CLCA4: variants seen among roughly 807,000 people sequenced by gnomAD.
CLCA4 encodes chloride channel accessory 4, also known as calcium-activated chloride channel regulator 4.
Under a neutral mutation model 78.9 loss-of-function variants are expected in CLCA4, and 69 were observed. That is an observed-to-expected ratio of 0.87 (90% CI 0.72 to 1.07). The LOEUF is 1.07. Ranked by LOEUF, CLCA4 falls within the 50% of genes least tolerant of loss-of-function variation. CLCA4 has a pLI of 0.00. For synonymous variants in CLCA4, 362 were observed against 375.8 expected (o/e 0.96, Z 0.42); for missense variants, 1,133 against 1,095.8 (o/e 1.03, Z -0.48).
intron 1 of CLCA4, chr1:86,553,452 G>C (rs924340184): frequency 3.9e-5 from 14 of 360,526 alleles, no homozygotes; most frequent in African/African-American, 3.0e-4. Context: ...AGCTGTCGAA[G>C]CCTTTGTCAC....
At chr1:86,552,482 T>C (rs910596925) in intron 1 of CLCA4, 5 of 461,064 alleles carry the variant, frequency 1.1e-5, no homozygotes, top group Non-Finnish European at 1.9e-5. Flanking sequence ...CTGCTGATGA[T>C]GGTCTGTTCT....
chr1:86,559,333 G>A (rs911800620), intron 1 of CLCA4, among the ~76,000 whole-genome samples: 4 of 151,930 alleles, frequency 2.6e-5, no homozygotes, highest in Non-Finnish European at 4.4e-5. Flanking sequence ...TCCCAACCTA[G>A]CTGCTTCTCC....
Position 86,566,136 on chromosome 1 carries a change from C to T in CLCA4, c.954+116C>T. 4 of 764,128 alleles carry T rather than the reference C, an allele frequency of 5.2e-6. No individual in the cohort carries two copies. The South Asian group carries it at 9.8e-5, about 19-fold the overall frequency. 47.3% of individuals were successfully genotyped at this position (764,128 alleles called of 1,614,324 possible). A position where few individuals can be genotyped will look rare whatever the true frequency, so the allele number is the denominator to read the frequency against. Reference sequence around the variant, plus strand: ...TGCATGGTGGCATAAAGTACCATCACTGCCCATGATCATGACTTCAAGATA... The same window carrying T: ...TGCATGGTGGCATAAAGTACCATCATTGCCCATGATCATGACTTCAAGATA... On this transcript the variant is annotated intron_variant, in intron 6 of 13. Coordinates refer to ENST00000370563, the MANE Select transcript of CLCA4 (RefSeq NM_012128.4).
rs1188303649 is a variant in CLCA4 at position 86,579,509 on chromosome 1, G to A, written c.2278G>A (p.Asp760Asn). 1.2e-5 allele frequency: 19 copies of A among 1,613,250 alleles called. No individual in the cohort carries two copies. The highest frequency in any genetic ancestry group is 1.6e-5 in the Non-Finnish European group (19 of 1,179,474). Reference sequence around the variant, plus strand: ...CCAATACCCACCAAGTCAAATCACAGACCTTGATGCCACAGTTCATGAGGA... The same window carrying A: ...CCAATACCCACCAAGTCAAATCACAAACCTTGATGCCACAGTTCATGAGGA... ...PDQYPPSQIT[D>N]LDATVHEDKI... The change falls in exon 13 of 14, where the codon GAC becomes AAC. Residue 760 changes from aspartate (D) to asparagine (N), a missense_variant. Coordinates refer to ENST00000370563, the MANE Select transcript of CLCA4 (RefSeq NM_012128.4).
At chr1:86,574,952 A>G (rs1171976455) in intron 10 of CLCA4, among the ~76,000 whole-genome samples, 197 bp downstream of exon 10, 1 of 152,022 alleles carries the variant, frequency 6.6e-6, no homozygotes. Flanking sequence ...AAGGAAGAAA[A>G]CGTAGTCAAG....
intron 3 of CLCA4, among the ~76,000 whole-genome samples, chr1:86,563,157 C>T (rs1411865940): frequency 6.6e-6 from 1 of 151,352 alleles, no homozygotes; most frequent in African/African-American, 2.4e-5. Context: ...ATTTGAACTC[C>T]CTCTCTCAAA....
chr1:86,560,624 A>T (rs969437210), intron 3 of CLCA4, among the ~76,000 whole-genome samples: 2 of 152,368 alleles, frequency 1.3e-5, no homozygotes, highest in African/African-American at 2.4e-5. Context: ...TACAGTGTCT[A>T]CAAAAATATA....
intron 3 of CLCA4, 79 bp downstream of exon 3, chr1:86,560,437 G>A: frequency 7.0e-7 from 1 of 1,428,260 alleles, no homozygotes; most frequent in Non-Finnish European, 9.6e-7. Flanking sequence ...TGCAGGCCAT[G>A]GGGCCAAAGT....
chr1:86,580,212 ATCCTACACCTAC>A lies in CLCA4; in HGVS notation c.2634_2645del (p.Thr884_Pro887del), dbSNP rs772880712. 883 of 1,535,608 alleles carry A rather than the reference ATCCTACACCTAC, an allele frequency of 5.8e-4. 7 individuals are homozygous for A. The highest frequency in any genetic ancestry group is 2.7e-3 in the South Asian group (237 of 87,610). ...CCTCAAGCAAATCCTGATGACATTGATCCTACACCTACTCCTACTCCTACTCCTACTCCTGAT... is the reference window on the plus strand; with the variant it reads ...CCTCAAGCAAATCCTGATGACATTGATCCTACTCCTACTCCTACTCCTGAT... On this transcript the variant is annotated inframe_deletion, in exon 14 of 14. Transcript: ENST00000370563.
In CLCA4 at chr1:86,571,061, T is replaced by C. The variant is rs189503695; in HGVS notation, c.1183-16T>C. On this transcript the variant is annotated splice_polypyrimidine_tract_variant and intron_variant, in intron 7 of 13. Coordinates refer to ENST00000370563, the MANE Select transcript of CLCA4 (RefSeq NM_012128.4). ...GGAACATCTGTTGGTAACTGTGCTC[T>C]GCATTATGTTTGCAGGTGATTGGAG... 4.7e-3 allele frequency: 7,519 copies of C among 1,592,654 alleles called. 82 individuals carry two copies. The highest frequency in any genetic ancestry group is 0.016 in the South Asian group (1,429 of 88,950).
chr1:86,560,319 C>A lies in CLCA4; in HGVS notation c.409C>A (p.Leu137Ile). 1 of 1,613,950 alleles carries A rather than the reference C, an allele frequency of 6.2e-7. No homozygotes were observed. Among genetic ancestry groups the A allele is most frequent in the African/African-American group, 1.3e-5 (1 of 75,026 alleles). The change falls in exon 3 of 14, where the codon CTT becomes ATT. Residue 137 changes from leucine (L) to isoleucine (I), a missense_variant. By Grantham distance (5) the Leu-to-Ile change is conservative. Transcript: ENST00000370563. ...KGEYIHFTPD[L>I]LLGKKQNEYG... ...CGAATACATTCACTTCACCCCTGAC[C>A]TTCTACTTGGAAAAAAACAAAATGA...
At chr1:86,564,828 TAAG>T (rs1397928405) in intron 4 of CLCA4, among the ~76,000 whole-genome samples, 1 of 152,138 alleles carries the variant, frequency 6.6e-6, no homozygotes, top group Non-Finnish European at 1.5e-5. Context: ...CTTTGAGTAA[TAAG>T]AACATTTGTG....
At position 86,547,149 on chromosome 1, in the gene CLCA4, C is replaced by G. The variant is rs772296374; in HGVS notation, c.30C>G (p.Leu10=). The part of the protein sequence containing the change: MGLFRGFVF[L]LVLCLLHQSN... Reference sequence around the variant, plus strand: ...GGTTATTCAGAGGTTTTGTTTTCCTCTTAGTTCTGTGCCTGCTGCACCAGT... The same window carrying G: ...GGTTATTCAGAGGTTTTGTTTTCCTGTTAGTTCTGTGCCTGCTGCACCAGT... The change falls in exon 1 of 14, where the codon CTC becomes CTG. Residue 10 remains leucine, a synonymous_variant. Transcript: ENST00000370563. 1 of 1,608,094 alleles carries G rather than the reference C, an allele frequency of 6.2e-7. No individual in the cohort carries two copies. Among genetic ancestry groups the G allele is most frequent in the Non-Finnish European group, 8.5e-7 (1 of 1,178,430 alleles).
chr1:86,559,001 C>T (rs1417336004), intron 1 of CLCA4, among the ~76,000 whole-genome samples: 1 of 151,500 alleles, frequency 6.6e-6, no homozygotes, highest in Non-Finnish European at 1.5e-5. Flanking sequence ...TCATTTCAAC[C>T]TTGGAAAATC....
intron 1 of CLCA4, among the ~76,000 whole-genome samples, chr1:86,549,595 G>A (rs904932830): frequency 3.3e-5 from 5 of 152,208 alleles, no homozygotes; most frequent in African/African-American, 7.2e-5. Flanking sequence ...TTGCAGGTGG[G>A]CAGTGATGGT....
chr1:86,563,662 C>G lies in CLCA4; in HGVS notation c.450C>G (p.Gly150=). 6.5e-7 allele frequency: 1 copy of G among 1,546,082 alleles called. No individual in the cohort carries two copies. Among genetic ancestry groups the G allele is most frequent in the East Asian group, 2.3e-5 (1 of 43,160 alleles). Reference sequence around the variant, plus strand: ...TGTATTTGAAATGCTTTCCCACAGGCAAACTGTTTGTCCATGAGTGGGCTC... The same window carrying G: ...TGTATTTGAAATGCTTTCCCACAGGGAAACTGTTTGTCCATGAGTGGGCTC... ...GKKQNEYGPP[G]KLFVHEWAHL... The change falls in exon 4 of 14, where the codon GGC becomes GGG. Residue 150 remains glycine, a splice_region_variant and synonymous_variant. Coordinates refer to ENST00000370563, the MANE Select transcript of CLCA4 (RefSeq NM_012128.4).
In CLCA4 at chr1:86,580,445, C is replaced by A; in HGVS notation, c.*100C>A. On this transcript the variant is annotated 3_prime_UTR_variant, in exon 14 of 14. Coordinates refer to ENST00000370563, the MANE Select transcript of CLCA4 (RefSeq NM_012128.4). ...TATTTCTGAATCTTAAAATTCATCCCATGTGTGATCATAAACTCATAAAAA... is the reference window on the plus strand; with the variant it reads ...TATTTCTGAATCTTAAAATTCATCCAATGTGTGATCATAAACTCATAAAAA... 2.3e-6 allele frequency: 2 copies of A among 887,986 alleles called. No individual in the cohort carries two copies. Among genetic ancestry groups the A allele is most frequent in the Non-Finnish European group, 1.6e-6 (1 of 628,648 alleles). The allele number at this position is 887,986 out of a possible 1,614,324, so 55.0% of individuals were successfully genotyped here.
chr1:86,570,600 G>A (rs574111059), intron 7 of CLCA4, among the ~76,000 whole-genome samples: 2 of 152,114 alleles, frequency 1.3e-5, no homozygotes, highest in Non-Finnish European at 2.9e-5. Context: ...TAAGCATACT[G>A]AGGGTTTACT....
chr1:86,574,442 T>A (rs1321504367), intron 9 of CLCA4, 98 bp from the exon 10 acceptor site: 1 of 916,972 alleles, frequency 1.1e-6, no homozygotes, highest in Admixed American at 2.2e-5. Context: ...GTCTGCCATT[T>A]ATAAGCTTGT....
Sources: allele counts gnomAD v4.1 joint callset (sites outside exome capture counted in the v4.1 genomes callset), GRCh38; gene constraint gnomAD v4.1.1; transcripts MANE v1.5; gene names NCBI Gene and HGNC (gene_info 2026-07-23, HGNC 2026-07-21).